The following IQSEC1 variants were observed in gnomAD, a reference collection of about 807,000 sequenced individuals.
IQSEC1 encodes IQ motif and Sec7 domain ArfGEF 1.
IQSEC1 carries 31 observed loss-of-function variants against 91.0 expected under a neutral mutation model. The observed-to-expected ratio is 0.34, with a 90% CI of 0.26 to 0.46. The LOEUF (loss-of-function observed/expected upper bound fraction) is 0.46. Ranked by LOEUF, IQSEC1 falls within the 20% of genes least tolerant of loss-of-function variation. The probability of loss-of-function intolerance (pLI) is 1.00; values close to 1 mark genes in which losing one functional copy is unlikely to be tolerated. For synonymous variants in IQSEC1, 699 were observed against 662.6 expected (o/e 1.05, Z -0.84); for missense variants, 1,388 against 1,575.6 (o/e 0.88, Z 2.02).
intron 2 of IQSEC1, among the ~76,000 whole-genome samples, chr3:13,102,483 T>C (rs1706082733): frequency 6.6e-6 from 1 of 151,978 alleles, no homozygotes; most frequent in African/African-American, 2.4e-5. Flanking sequence ...TTTCCTTCTC[T>C]GAGCTTCTGT....
chr3:12,966,100 C>T (rs905129874), intron 1 of IQSEC1, among the ~76,000 whole-genome samples: 122 of 152,244 alleles, frequency 8.0e-4, no homozygotes, highest in Non-Finnish European at 7.4e-5. Context: ...ATGAGGGCCG[C>T]GGGTGTGTGT....
chr3:13,215,907 G>A lies in IQSEC1; in HGVS notation c.273-51774C>T, dbSNP rs113930517. ...GGAGCTCACAGAACAAGTATCCTCCGAGCCCCAGAGCAGACCAGGCCCGGG... is the reference window on the plus strand; with the variant it reads ...GGAGCTCACAGAACAAGTATCCTCCAAGCCCCAGAGCAGACCAGGCCCGGG... On this transcript the variant is annotated intron_variant, in intron 1 of 15. Coordinates refer to the IQSEC1 transcript ENST00000648114. 3.4e-3 allele frequency among the ~76,000 whole-genome samples: 525 copies of A among 152,312 alleles called. 4 individuals carry two copies. The highest frequency in any genetic ancestry group is 0.012 in the African/African-American group (497 of 41,570).
chr3:13,173,415 C>T (rs1387250737), intron 1 of IQSEC1, among the ~76,000 whole-genome samples: 5 of 152,230 alleles, frequency 3.3e-5, no homozygotes, highest in African/African-American at 1.2e-4. Flanking sequence ...GGGGGCCTTG[C>T]TCCCTGCACC....
At chr3:13,072,631 G>A (rs140962462) in intron 1 of IQSEC1, among the ~76,000 whole-genome samples, 3 of 152,350 alleles carry the variant, frequency 2.0e-5, no homozygotes, top group East Asian at 3.9e-4. Flanking sequence ...GGCCATGGGC[G>A]TGCTGGGCAG....
chr3:13,224,451 G>A (rs1252554493), intron 1 of IQSEC1, among the ~76,000 whole-genome samples: 1 of 152,136 alleles, frequency 6.6e-6, no homozygotes, highest in Non-Finnish European at 1.5e-5. Context: ...TGTCCAGGGT[G>A]CAATGGGAGA....
At position 12,915,098 on chromosome 3, in the gene IQSEC1, A is replaced by G. The variant is rs1304175183; in HGVS notation, c.2190+6T>C. ...CCCACAAAGGTAAAACCAGAGAAATACTCACACAGCCGAGCCCGGGATGCA... is the reference window on the plus strand; with the variant it reads ...CCCACAAAGGTAAAACCAGAGAAATGCTCACACAGCCGAGCCCGGGATGCA... On this transcript the variant is annotated splice_donor_region_variant and intron_variant, in intron 8 of 13. Transcript: ENST00000613206. The G allele has an allele frequency of 6.2e-7, 1 of 1,604,270 alleles. No individual in the cohort carries two copies. Among genetic ancestry groups the G allele is most frequent in the Admixed American group, 1.7e-5 (1 of 59,162 alleles).
rs550912646 is a variant in IQSEC1, at chr3:12,936,795, C to G, written c.319-98G>C. The G allele has an allele frequency of 2.4e-6, 3 of 1,247,732 alleles. No individual in the cohort carries two copies. The African/African-American group carries it at 4.5e-5, about 19-fold the overall frequency. 77.3% of individuals were successfully genotyped at this position (1,247,732 alleles called of 1,614,324 possible). A position where few individuals can be genotyped will look rare whatever the true frequency, so the allele number is the denominator to read the frequency against. ...ACTTCCTAGCCACGTGGCTGTGCGA[C>G]CTGGGAAGGTCCCAAAGTTGGTCAA... On this transcript the variant is annotated intron_variant, in intron 2 of 13. Coordinates refer to ENST00000613206, the MANE Select transcript of IQSEC1 (RefSeq NM_001134382.3).
At chr3:13,238,836 C>A (rs1205151625) in intron 1 of IQSEC1, among the ~76,000 whole-genome samples, 1 of 152,292 alleles carries the variant, frequency 6.6e-6, no homozygotes, top group South Asian at 2.1e-4. Flanking sequence ...CTCCTACAGT[C>A]CCTGGGAGGG....
chr3:13,153,852 G>C (rs1380092148), intron 2 of IQSEC1, among the ~76,000 whole-genome samples: 2 of 152,186 alleles, frequency 1.3e-5, no homozygotes, highest in Non-Finnish European at 2.9e-5. Flanking sequence ...GAGCTTGGCT[G>C]GGTGGCTGGT....
Position 13,094,673 on chromosome 3 carries a change from G to T in IQSEC1, c.303-47151C>A, listed in dbSNP as rs921370553. 2.6e-5 allele frequency among the ~76,000 whole-genome samples: 4 copies of T among 152,134 alleles called. 1 individual carries two copies. The highest frequency in any genetic ancestry group is 9.7e-5 in the African/African-American group (4 of 41,422). On this transcript the variant is annotated intron_variant, in intron 2 of 15. Coordinates refer to the IQSEC1 transcript ENST00000648114. ...GTGGAAACTGAGGACAGATAAATCA[G>T]GAGTATGGCCTGTTCCTGGCCATAC...
At chr3:13,272,561 C>T (rs1695607092) in intron 1 of IQSEC1, among the ~76,000 whole-genome samples, 1 of 152,232 alleles carries the variant, frequency 6.6e-6, no homozygotes, top group African/African-American at 2.4e-5. Flanking sequence ...GGAGGGCAAG[C>T]AGGCCAACCT....
chr3:13,231,548 C>A (rs1425225587), intron 1 of IQSEC1, among the ~76,000 whole-genome samples: 1 of 105,736 alleles, frequency 9.5e-6, no homozygotes, highest in Non-Finnish European at 2.1e-5. Context: ...GACCTCACCA[C>A]CTCCCAACGG....
intron 1 of IQSEC1, among the ~76,000 whole-genome samples, chr3:13,036,172 C>G (rs527921593): frequency 6.6e-6 from 1 of 152,080 alleles, no homozygotes; most frequent in Non-Finnish European, 1.5e-5. Flanking sequence ...TCATAACAAC[C>G]GCGACAGTTA....
At chr3:13,276,519 G>T (rs1333895017) in intron 1 of IQSEC1, among the ~76,000 whole-genome samples, 1 of 152,156 alleles carries the variant, frequency 6.6e-6, no homozygotes, top group Non-Finnish European at 1.5e-5. Flanking sequence ...GGGAGAGACA[G>T]CAACTCAGAG....
Position 12,967,389 on chromosome 3 carries a change from G to T in IQSEC1, c.24-25524C>A. ...CTCGCCCCGCGCCGCGCCCTCACCC[G>T]CTGTCAAGCTCTAGCTCCAGAAGGG... On this transcript the variant is annotated intron_variant, in intron 1 of 13. Transcript: ENST00000613206. The surrounding 1 kb of genome is among the most constrained non-coding windows in gnomAD (Gnocchi z 5.9). 6.5e-7 allele frequency: 1 copy of T among 1,534,254 alleles called. No individual in the cohort carries two copies. The highest frequency in any genetic ancestry group is 8.7e-7 in the Non-Finnish European group (1 of 1,144,122).
chr3:12,907,587 C>A (rs1279030017), intron 12 of IQSEC1, among the ~76,000 whole-genome samples: 1 of 152,134 alleles, frequency 6.6e-6, no homozygotes, highest in Admixed American at 6.5e-5. Context: ...CGAGCCGGCA[C>A]CCACCGGTCG....
intron 2 of IQSEC1, among the ~76,000 whole-genome samples, chr3:13,122,195 C>G (rs938228179): frequency 2.0e-5 from 3 of 152,350 alleles, no homozygotes; most frequent in Middle Eastern, 3.4e-3. Flanking sequence ...ATGAAAACAC[C>G]CGTATAAAGA....
At chr3:12,944,183 TGA>T (rs912519726) in intron 1 of IQSEC1, among the ~76,000 whole-genome samples, 19 of 152,184 alleles carry the variant, frequency 1.2e-4, no homozygotes, top group African/African-American at 4.1e-4. Context: ...CTCCACATCA[TGA>T]GAGTCTCCCA....
chr3:13,250,258 G>C (rs114286904), intron 1 of IQSEC1, among the ~76,000 whole-genome samples: 1 of 151,968 alleles, frequency 6.6e-6, no homozygotes, highest in African/African-American at 2.4e-5. Context: ...CCAAGACAGC[G>C]AGATAGCTGA....
Sources: allele counts gnomAD v4.1 joint callset (sites outside exome capture counted in the v4.1 genomes callset), GRCh38; gene constraint gnomAD v4.1.1; non-coding constraint Gnocchi (gnomAD v3.1); transcripts MANE v1.5; gene names NCBI Gene and HGNC (gene_info 2026-07-23, HGNC 2026-07-21).